TLN2: variants seen among roughly 807,000 people sequenced by gnomAD.
TLN2 encodes the protein talin-2.
In TLN2, 118 loss-of-function variants were observed where a neutral mutation model predicts 294.7. The observed-to-expected ratio is 0.40, with a 90% CI of 0.34 to 0.47. TLN2 has a LOEUF of 0.47. Among genes scored for constraint, TLN2 ranks in the 20% least tolerant of loss-of-function variants. The pLI, the probability that TLN2 is intolerant of heterozygous loss-of-function variation, is 0.84. For synonymous variants in TLN2, 1,431 were observed against 1,304.5 expected (o/e 1.10, Z -2.09); for missense variants, 3,083 against 3,282.2 (o/e 0.94, Z 1.48).
chr15:62,507,361 C>A (rs139792268), intron 1 of TLN2, among the ~76,000 whole-genome samples: 37 of 152,280 alleles, frequency 2.4e-4, no homozygotes, highest in African/African-American at 8.9e-4. Context: ...CATTGAGACC[C>A]CCGTGTGATG....
intron 16 of TLN2, 111 bp downstream of exon 16, chr15:62,698,978 A>C: frequency 9.6e-7 from 1 of 1,037,978 alleles, no homozygotes; most frequent in East Asian, 2.6e-5. Flanking sequence ...GTGAAATGGA[A>C]ACCCATGATT....
chr15:62,817,284 A>G (rs1340668782), intron 52 of TLN2, among the ~76,000 whole-genome samples: 1 of 152,190 alleles, frequency 6.6e-6, no homozygotes, highest in East Asian at 1.9e-4. Context: ...GACTTGTCCC[A>G]ATAATGTATT....
At chr15:62,766,746 A>C (rs1212170171) in intron 41 of TLN2, among the ~76,000 whole-genome samples, 1 of 151,924 alleles carries the variant, frequency 6.6e-6, no homozygotes, top group Non-Finnish European at 1.5e-5. Flanking sequence ...TGAAGCAGAC[A>C]CTCCTAGCCT....
intron 1 of TLN2, among the ~76,000 whole-genome samples, chr15:62,543,753 CAAA>C (rs11386820): frequency 4.5e-5 from 5 of 110,090 alleles, no homozygotes; most frequent in Admixed American, 9.5e-5. Flanking sequence ...GATTCTGTCT[CAAA>C]AAAAAAAAAA....
rs543203683 is a variant in TLN2, at chr15:62,616,138, T to C, written c.-161-2213T>C. ...AAAAATATTTTCAAAGTTTATTGCTTATCTTCTGACTTAACTTTACCTTTT... is the reference window on the plus strand; with the variant it reads ...AAAAATATTTTCAAAGTTTATTGCTCATCTTCTGACTTAACTTTACCTTTT... On this transcript the variant is annotated intron_variant, in intron 2 of 58. Transcript: ENST00000636159. Among the ~76,000 whole-genome samples the C allele has an allele frequency of 4.6e-5, 7 of 152,326 alleles. No individual in the cohort carries two copies. The South Asian group carries it at 1.2e-3, about 27-fold the overall frequency.
At chr15:62,627,167 T>C (rs2049356180) in intron 3 of TLN2, among the ~76,000 whole-genome samples, 1 of 152,206 alleles carries the variant, frequency 6.6e-6, no homozygotes, top group Non-Finnish European at 1.5e-5. Flanking sequence ...CTAATGCAGT[T>C]CTAGTAGTTA....
intron 3 of TLN2, among the ~76,000 whole-genome samples, chr15:62,642,736 C>T (rs1222462865): frequency 6.8e-6 from 1 of 147,668 alleles, no homozygotes; most frequent in African/African-American, 2.5e-5. Context: ...CTTGCTCTGT[C>T]ACCCAGGCTG....
chr15:62,837,381 T>C (rs1000716043), intron 57 of TLN2, among the ~76,000 whole-genome samples: 1 of 152,216 alleles, frequency 6.6e-6, no homozygotes, highest in Non-Finnish European at 1.5e-5. Flanking sequence ...TGCCATTTAT[T>C]AGGTGCATAA....
intron 1 of TLN2, among the ~76,000 whole-genome samples, chr15:62,529,003 T>C (rs974718073): frequency 2.6e-5 from 4 of 152,344 alleles, no homozygotes; most frequent in Admixed American, 2.6e-4. Flanking sequence ...AAGTAATACT[T>C]TAATGGAGTC....
chr15:62,469,963 A>G (rs1240261855), intron 1 of TLN2, among the ~76,000 whole-genome samples: 1 of 150,634 alleles, frequency 6.6e-6, no homozygotes, highest in Non-Finnish European at 1.5e-5. Flanking sequence ...TGTGAGAGAG[A>G]GAGCGAGAGA....
At chr15:62,707,698 A>G (rs944114348) in intron 20 of TLN2, among the ~76,000 whole-genome samples, 1 of 152,126 alleles carries the variant, frequency 6.6e-6, no homozygotes, top group African/African-American at 2.4e-5. Flanking sequence ...ACATCACCTC[A>G]TTACATCTCC....
chr15:62,738,465 T>C, intron 30 of TLN2, 132 bp downstream of exon 30: 1 of 1,270,354 alleles, frequency 7.9e-7, no homozygotes, highest in Non-Finnish European at 1.0e-6. Flanking sequence ...TTCCCGCCAG[T>C]CTTTGTTTTC....
intron 14 of TLN2, 97 bp downstream of exon 14, chr15:62,694,489 T>C: frequency 1.0e-6 from 1 of 955,492 alleles, no homozygotes; most frequent in Non-Finnish European, 1.7e-6. Context: ...GCCTGTCACC[T>C]GGAGAAGATG....
At position 62,702,054 on chromosome 15, in the gene TLN2, C is replaced by T. The variant is rs950068528; in HGVS notation, c.1759C>T (p.Leu587=). 2 of 1,614,130 alleles carry T rather than the reference C, an allele frequency of 1.2e-6. No individual in the cohort carries two copies. The highest frequency in any genetic ancestry group is 1.3e-5 in the African/African-American group (1 of 74,950). Residue 587 remains leucine (L), a synonymous_variant, in exon 18 of 59, where the codon CTG becomes TTG. Transcript: ENST00000636159. ...TGCGATCACCACTATTTCTTCCAAC[C>T]TGACGGAGATGTCCAAGGGTGTGAA... ...GCAITTISSN[L]TEMSKGVKLL...
intron 11 of TLN2, among the ~76,000 whole-genome samples, chr15:62,676,034 C>CT (rs1567324624): frequency 6.6e-5 from 10 of 152,156 alleles, no homozygotes; most frequent in African/African-American, 2.4e-5. Context: ...GGAGAAAGCT[C>CT]TAACTTATAG....
At chr15:62,726,194 A>G (rs2140930892) in intron 27 of TLN2, among the ~76,000 whole-genome samples, 1 of 152,344 alleles carries the variant, frequency 6.6e-6, no homozygotes, top group African/African-American at 2.4e-5. Flanking sequence ...GTTAGAATGC[A>G]GGAAAACATC....
chr15:62,481,219 T>C (rs1051734904), intron 1 of TLN2, among the ~76,000 whole-genome samples: 5 of 134,276 alleles, frequency 3.7e-5, no homozygotes, highest in Non-Finnish European at 8.6e-5. Context: ...TTGTTCTTTT[T>C]TCTTTTTTTT....
intron 48 of TLN2, among the ~76,000 whole-genome samples, chr15:62,799,096 A>C (rs559741869): frequency 1.2e-4 from 19 of 152,252 alleles, no homozygotes; most frequent in Non-Finnish European, 2.4e-4. Context: ...TAGCAAGCTA[A>C]TTTCACTGTG....
intron 1 of TLN2, among the ~76,000 whole-genome samples, chr15:62,440,399 T>A (rs1305098092): frequency 1.3e-5 from 2 of 152,246 alleles, no homozygotes; most frequent in Non-Finnish European, 2.9e-5. Context: ...AAGTATATGG[T>A]ACAGGTTTCA....
Sources: allele counts gnomAD v4.1 joint callset (sites outside exome capture counted in the v4.1 genomes callset), GRCh38; gene constraint gnomAD v4.1.1; transcripts MANE v1.5; gene names NCBI Gene and HGNC (gene_info 2026-07-23, HGNC 2026-07-21).